DNAH14: variants seen among roughly 807,000 people sequenced by gnomAD.
DNAH14 encodes axonemal beta dynein heavy chain 14.
In DNAH14, 478 loss-of-function variants were observed where a neutral mutation model predicts 520.9. The ratio of observed to expected loss-of-function variants is 0.92; its 90% CI spans 0.85 to 0.99. The LOEUF is 0.99. DNAH14 is among the 50% of genes least tolerant of loss of function. The probability of loss-of-function intolerance (pLI) is 0.00; values close to 1 mark genes in which losing one functional copy is unlikely to be tolerated. For missense variants in DNAH14, 4,831 were observed against 5,234.5 expected (o/e 0.92, Z 2.38); for synonymous variants, 1,581 against 1,757.2 (o/e 0.90, Z 2.51).
Position 225,308,276 on chromosome 1 carries a change from C to T in DNAH14, c.9115-9C>T, listed in dbSNP as rs2094290511. On this transcript the variant is annotated splice_polypyrimidine_tract_variant and intron_variant, in intron 59 of 85. Coordinates refer to ENST00000682510, the MANE Select transcript of DNAH14 (RefSeq NM_001367479.1). ...AATTCATTCTAAGAACAATTATGTG[C>T]TTCATTAGGAAACAGAAACTCTAAT... The T allele has an allele frequency of 6.5e-7, 1 of 1,532,282 alleles. No homozygotes were observed. Among genetic ancestry groups the T allele is most frequent in the South Asian group, 1.3e-5 (1 of 78,706 alleles). The allele number at this position is 1,532,282 out of a possible 1,614,324, so 94.9% of individuals were successfully genotyped here.
intron 23 of DNAH14, among the ~76,000 whole-genome samples, chr1:225,112,277 CAAGT>C (rs895828342): frequency 2.0e-5 from 3 of 152,106 alleles, no homozygotes; most frequent in African/African-American, 7.2e-5. Context: ...TTCTGCACTT[CAAGT>C]AAGTCATGCC....
intron 11 of DNAH14, among the ~76,000 whole-genome samples, chr1:225,027,964 C>T (rs1295715609): frequency 6.6e-6 from 1 of 151,904 alleles, no homozygotes; most frequent in Admixed American, 6.6e-5. Flanking sequence ...TGGAACCAAT[C>T]TTGCATTCTT....
At chr1:225,358,780 G>T (rs1411643982) in intron 74 of DNAH14, 128 bp downstream of exon 74, 6 of 919,346 alleles carry the variant, frequency 6.5e-6, no homozygotes, top group Non-Finnish European at 6.3e-6. Context: ...GAGGTAATTG[G>T]ATCATGGGGA....
intron 11 of DNAH14, 71 bp from the exon 12 acceptor site, chr1:225,038,623 G>T (rs1041924602): frequency 1.4e-6 from 2 of 1,416,046 alleles, no homozygotes; most frequent in African/African-American, 1.5e-5. Flanking sequence ...TTGTTGAGTT[G>T]TAGGTGTTCT....
At chr1:225,343,151 A>G (rs1432972459) in intron 69 of DNAH14, among the ~76,000 whole-genome samples, 1 of 152,208 alleles carries the variant, frequency 6.6e-6, no homozygotes, top group Non-Finnish European at 1.5e-5. Flanking sequence ...TCCCTAACAA[A>G]TTGCTGCAAG....
intron 56 of DNAH14, among the ~76,000 whole-genome samples, chr1:225,302,069 G>A (rs1361307592): frequency 1.3e-5 from 2 of 148,322 alleles, no homozygotes; most frequent in East Asian, 1.9e-4. Flanking sequence ...AAGAATCTCA[G>A]TTAGAAGTCA....
At chr1:225,096,437 CAG>C (rs949860011) in intron 21 of DNAH14, among the ~76,000 whole-genome samples, 1 of 151,964 alleles carries the variant, frequency 6.6e-6, no homozygotes. Context: ...CATGAGGAAC[CAG>C]AGAGTTAGGG....
intron 27 of DNAH14, among the ~76,000 whole-genome samples, chr1:225,124,922 A>G (rs956977063): frequency 1.3e-5 from 2 of 152,212 alleles, no homozygotes; most frequent in Non-Finnish European, 2.9e-5. Flanking sequence ...CCCATGGGCT[A>G]CAGAATGGAT....
Position 225,051,691 on chromosome 1 carries a change from C to T in DNAH14, c.2320C>T (p.Leu774Phe). Residue 774 changes from leucine (L) to phenylalanine (F), a missense_variant, in exon 17 of 86, where the codon CTT becomes TTT. Transcript: ENST00000682510. ...KRIGIFNVVS[L>F]DYQSECLLYI... ...TATTGGTATTTTCAACGTTGTAAGT[C>T]TTGATTATCAATCAGAATGCTTACT... The T allele has an allele frequency of 1.9e-6, 3 of 1,550,976 alleles. No homozygotes were observed. The highest frequency in any genetic ancestry group is 2.6e-6 in the Non-Finnish European group (3 of 1,146,636).
At position 225,122,381 on chromosome 1, in the gene DNAH14, T is replaced by C. The variant is rs1331265716; in HGVS notation, c.4167-1146T>C. ...ACCTAGTCTGTGAGTAACTTGCCTT[T>C]TAGTGCATGAAGTTCCTTCCCATTT... On this transcript the variant is annotated intron_variant, in intron 26 of 85. Transcript: ENST00000682510. Among the ~76,000 whole-genome samples, 3 of 152,302 alleles carry C rather than the reference T, an allele frequency of 2.0e-5. No homozygotes were observed. In the East Asian group the frequency reaches 5.8e-4, roughly 29 times the overall value.
chr1:225,053,328 G>T (rs968888446), intron 17 of DNAH14, among the ~76,000 whole-genome samples: 2 of 152,118 alleles, frequency 1.3e-5, no homozygotes, highest in African/African-American at 4.8e-5. Context: ...AATCCAATTA[G>T]GTGGGAATAT....
At chr1:225,201,795 G>A (rs2086861297) in intron 38 of DNAH14, among the ~76,000 whole-genome samples, 1 of 152,034 alleles carries the variant, frequency 6.6e-6, no homozygotes, top group South Asian at 2.1e-4. Context: ...ACTCTGTACG[G>A]GTCCTTACCT....
intron 23 of DNAH14, among the ~76,000 whole-genome samples, chr1:225,109,025 A>G (rs1395840908): frequency 6.6e-6 from 1 of 152,160 alleles, no homozygotes; most frequent in Non-Finnish European, 1.5e-5. Context: ...AGTTCACTGT[A>G]GATGTACGGA....
chr1:225,374,822 C>CCTACT lies in DNAH14; in HGVS notation c.12458_12462dup (p.Lys4155SerfsTer10). On this transcript the variant is annotated frameshift_variant, in exon 78 of 86. Coordinates refer to ENST00000682510, the MANE Select transcript of DNAH14 (RefSeq NM_001367479.1). LOFTEE classifies it high-confidence loss of function. ...ATTGGGACAAGCGATGCTTGAAGACCCTACTCTACAAATTTTGTAATCCTG... is the reference window on the plus strand; with the variant it reads ...ATTGGGACAAGCGATGCTTGAAGACCCTACTCTACTCTACAAATTTTGTAATCCTG... The CCTACT allele has an allele frequency of 6.4e-7, 1 of 1,551,264 alleles. No homozygotes were observed. The highest frequency in any genetic ancestry group is 2.4e-5 in the East Asian group (1 of 40,894).
At chr1:224,967,784 A>C (rs1340449798) in intron 6 of DNAH14, 1 of 1,441,556 alleles carries the variant, frequency 6.9e-7, no homozygotes, top group Non-Finnish European at 9.1e-7. Context: ...AGGTTTGAAG[A>C]TTCAACTTTA....
chr1:225,107,518 G>A (rs922167714), intron 23 of DNAH14, among the ~76,000 whole-genome samples: 1 of 152,138 alleles, frequency 6.6e-6, no homozygotes, highest in African/African-American at 2.4e-5. Context: ...AAAACGACAT[G>A]GACATACATG....
chr1:225,185,220 G>A, intron 36 of DNAH14, 71 bp from the exon 37 acceptor site: 1 of 1,442,730 alleles, frequency 6.9e-7, no homozygotes, highest in East Asian at 2.7e-5. Context: ...ATAGTCAATG[G>A]ATATAGAGAT....
At chr1:225,299,404 AT>A (rs1297489141) in intron 55 of DNAH14, among the ~76,000 whole-genome samples, 2 of 151,960 alleles carry the variant, frequency 1.3e-5, no homozygotes, top group African/African-American at 2.4e-5. Context: ...CCATTGAGTT[AT>A]TTTTTTCATG....
intron 31 of DNAH14, chr1:225,151,785 A>G: frequency 4.6e-6 from 3 of 646,816 alleles, no homozygotes; most frequent in East Asian, 5.4e-5. Context: ...ACATCTTTGG[A>G]CATAATCAAA....
Sources: allele counts gnomAD v4.1 joint callset (sites outside exome capture counted in the v4.1 genomes callset), GRCh38; gene constraint gnomAD v4.1.1; transcripts MANE v1.5; gene names NCBI Gene and HGNC (gene_info 2026-07-23, HGNC 2026-07-21).